TCF12: variants seen among roughly 807,000 people sequenced by gnomAD.
TCF12 encodes the protein transcription factor 12.
In TCF12, 45 loss-of-function variants were observed where a neutral mutation model predicts 86.0. The observed-to-expected ratio is 0.52, with a 90% confidence interval of 0.41 to 0.67. TCF12 has a LOEUF of 0.67. Ranked by LOEUF, TCF12 falls within the 30% of genes least tolerant of loss-of-function variation. The pLI is 0.00. For synonymous variants in TCF12, 330 were observed against 299.6 expected (o/e 1.10, Z -1.05); for missense variants, 881 against 859.9 (o/e 1.02, Z -0.31).
intron 8 of TCF12, among the ~76,000 whole-genome samples, chr15:57,216,239 C>T (rs1331143691): frequency 3.3e-5 from 5 of 152,132 alleles, no homozygotes; most frequent in East Asian, 1.9e-4. Context: ...CTCCAAGTTA[C>T]GTATTTTGTC....
chr15:56,995,862 C>G (rs1424216974), intron 3 of TCF12, among the ~76,000 whole-genome samples: 3 of 152,036 alleles, frequency 2.0e-5, no homozygotes, highest in Non-Finnish European at 4.4e-5. Context: ...ATCCTTGTTC[C>G]AGTTCTCAAG....
At chr15:57,055,498 G>C (rs934048461) in intron 3 of TCF12, among the ~76,000 whole-genome samples, 1 of 152,020 alleles carries the variant, frequency 6.6e-6, no homozygotes, top group Non-Finnish European at 1.5e-5. Context: ...TTAATTTTCT[G>C]TTATTTGTAA....
chr15:56,992,547 A>G (rs1483357671), intron 3 of TCF12, among the ~76,000 whole-genome samples: 2 of 152,188 alleles, frequency 1.3e-5, no homozygotes, highest in African/African-American at 4.8e-5. Context: ...TCACCTGTAA[A>G]TGGATCACAG....
chr15:57,237,121 C>G (rs2059412089), intron 12 of TCF12, among the ~76,000 whole-genome samples: 1 of 151,014 alleles, frequency 6.6e-6, no homozygotes, highest in South Asian at 2.1e-4. Flanking sequence ...ATTTCTACCT[C>G]AGAGCAAGGG....
intron 13 of TCF12, chr15:57,247,873 C>G (rs2059934062): frequency 2.6e-6 from 2 of 760,480 alleles, no homozygotes; most frequent in Admixed American, 1.7e-5. Context: ...TGAGTGTGCC[C>G]CATTTCTCAA....
intron 3 of TCF12, among the ~76,000 whole-genome samples, chr15:56,973,389 T>C (rs2062438034): frequency 6.6e-6 from 1 of 152,086 alleles, no homozygotes; most frequent in Non-Finnish European, 1.5e-5. Context: ...GCACAGGATA[T>C]TTGTAGGACT....
At chr15:57,201,950 CG>C (rs1243674918) in intron 8 of TCF12, among the ~76,000 whole-genome samples, 1 of 151,690 alleles carries the variant, frequency 6.6e-6, no homozygotes, top group Non-Finnish European at 1.5e-5. Flanking sequence ...GGTAATTTGT[CG>C]GGGGAAAAAA....
chr15:57,187,733 C>T (rs2056757419), intron 6 of TCF12, among the ~76,000 whole-genome samples: 1 of 151,984 alleles, frequency 6.6e-6, no homozygotes, highest in South Asian at 2.1e-4. Flanking sequence ...AGTTCAAGAC[C>T]AGCCTGGCCA....
intron 3 of TCF12, among the ~76,000 whole-genome samples, chr15:56,989,709 A>G (rs2063351027): frequency 6.6e-6 from 1 of 152,174 alleles, no homozygotes; most frequent in South Asian, 2.1e-4. Flanking sequence ...TTGACTTAGT[A>G]AAGTATAGTA....
At chr15:57,035,006 T>C (rs1169931726) in intron 3 of TCF12, among the ~76,000 whole-genome samples, 1 of 152,198 alleles carries the variant, frequency 6.6e-6, no homozygotes, top group Non-Finnish European at 1.5e-5. Context: ...TTCCTCAACA[T>C]GTAAGTTTCC....
At chr15:57,077,589 C>T (rs1174845085) in intron 4 of TCF12, among the ~76,000 whole-genome samples, 4 of 151,346 alleles carry the variant, frequency 2.6e-5, no homozygotes, top group Non-Finnish European at 5.9e-5. Flanking sequence ...ACTGCACCTG[C>T]CTAATTTGTA....
intron 6 of TCF12, among the ~76,000 whole-genome samples, chr15:57,170,739 TATATA>T (rs2055378442): frequency 3.0e-5 from 1 of 33,682 alleles, no homozygotes; most frequent in Admixed American, 5.7e-4. Context: ...TTATATATAA[TATATA>T]TTATATATTA....
At chr15:57,131,280 T>C (rs964043464) in intron 5 of TCF12, among the ~76,000 whole-genome samples, 2 of 152,216 alleles carry the variant, frequency 1.3e-5, no homozygotes, top group African/African-American at 4.8e-5. Flanking sequence ...GTTTTTTCCA[T>C]TTCTGGTGAA....
intron 13 of TCF12, among the ~76,000 whole-genome samples, chr15:57,250,385 G>T (rs908411460): frequency 6.6e-6 from 1 of 152,136 alleles, no homozygotes; most frequent in African/African-American, 2.4e-5. Flanking sequence ...CATAATAGCC[G>T]AGTGGTAACA....
chr15:57,016,277 G>A (rs79336250), intron 3 of TCF12, among the ~76,000 whole-genome samples: 6,158 of 152,296 alleles, frequency 0.04, 373 homozygotes, highest in Admixed American at 0.17. Context: ...TTCTTCATGG[G>A]CCAGACAGAT....
chr15:56,930,800 A>G (rs1252830602), intron 3 of TCF12, among the ~76,000 whole-genome samples: 1 of 152,272 alleles, frequency 6.6e-6, no homozygotes, highest in Admixed American at 6.5e-5. Context: ...TTTGAAATCC[A>G]AAAAGATCTC....
chr15:57,236,522 G>C (rs753616537), intron 12 of TCF12, among the ~76,000 whole-genome samples: 7 of 152,126 alleles, frequency 4.6e-5, no homozygotes, highest in Non-Finnish European at 7.3e-5. Context: ...GTTTTAGATG[G>C]AGAAACACTA....
chr15:57,047,669 A>G (rs2067322264), intron 3 of TCF12, among the ~76,000 whole-genome samples: 1 of 152,256 alleles, frequency 6.6e-6, no homozygotes, highest in Admixed American at 6.5e-5. Context: ...AATTTTATAA[A>G]GAAAATATTA....
rs554563846 is a variant in TCF12 at position 57,245,731 on chromosome 15, C to T, written c.1114+2181C>T. Among the ~76,000 whole-genome samples the T allele has an allele frequency of 2.3e-4, 35 of 152,214 alleles. 1 individual carries two copies. Among genetic ancestry groups the T allele is most frequent in the Middle Eastern group, 6.8e-3 (2 of 294 alleles). On this transcript the variant is annotated intron_variant, in intron 13 of 20. Transcript: ENST00000333725. ...TCATCTTTATTTGATATTTAATGGG[C>T]GATGCTGTCTTTTTCTCTTTAATTC...
Sources: allele counts gnomAD v4.1 joint callset (sites outside exome capture counted in the v4.1 genomes callset), GRCh38; gene constraint gnomAD v4.1.1; transcripts MANE v1.5; gene names NCBI Gene and HGNC (gene_info 2026-07-23, HGNC 2026-07-21).